Variants in IMMP2L observed in about 807,000 individuals in gnomAD.
The protein encoded by IMMP2L is inner mitochondrial membrane peptidase subunit 2.
Under a neutral mutation model 19.3 loss-of-function variants are expected in IMMP2L, and 18 were observed. That is an observed-to-expected ratio of 0.93 (90% CI 0.64 to 1.38). The LOEUF is 1.38. Among genes scored for constraint, IMMP2L ranks in the 40% most tolerant of loss-of-function variants. The pLI is 0.00. For missense variants in IMMP2L, 233 were observed against 218.2 expected (o/e 1.07, Z -0.43); for synonymous variants, 76 against 73.0 (o/e 1.04, Z -0.21).
chr7:111,300,713 T>C (rs1451397797), intron 3 of IMMP2L, among the ~76,000 whole-genome samples: 1 of 152,158 alleles, frequency 6.6e-6, no homozygotes, highest in African/African-American at 2.4e-5. Context: ...TTGTGACCTA[T>C]GTGCATTAGT....
chr7:111,272,789 C>T (rs1251137445), intron 3 of IMMP2L, among the ~76,000 whole-genome samples: 1 of 152,080 alleles, frequency 6.6e-6, no homozygotes, highest in East Asian at 1.9e-4. Flanking sequence ...GACTCTAGGA[C>T]CAAAATTGGC....
At chr7:110,721,914 G>T (rs1186881151) in intron 5 of IMMP2L, among the ~76,000 whole-genome samples, 1 of 152,050 alleles carries the variant, frequency 6.6e-6, no homozygotes, top group Non-Finnish European at 1.5e-5. Context: ...GAACAAAGTT[G>T]TAAACAATCA....
intron 4 of IMMP2L, 98 bp from the exon 5 acceptor site, chr7:110,886,793 T>C: frequency 1.7e-6 from 1 of 573,600 alleles, no homozygotes; most frequent in Non-Finnish European, 3.2e-6. Context: ...ATATAGATGT[T>C]ACAGACAGGT....
intron 3 of IMMP2L, among the ~76,000 whole-genome samples, chr7:111,239,018 G>GA: frequency 6.6e-6 from 1 of 152,028 alleles, no homozygotes; most frequent in South Asian, 2.1e-4. Flanking sequence ...CACCAATAGT[G>GA]AAAACCATTC....
intron 5 of IMMP2L, among the ~76,000 whole-genome samples, chr7:110,679,347 C>A (rs1792535209): frequency 6.6e-6 from 1 of 152,142 alleles, no homozygotes; most frequent in South Asian, 2.1e-4. Context: ...GTTAACAGCT[C>A]ACACTATTCA....
chr7:111,300,251 G>C (rs1822077028), intron 3 of IMMP2L, among the ~76,000 whole-genome samples: 2 of 152,140 alleles, frequency 1.3e-5, no homozygotes, highest in African/African-American at 4.8e-5. Flanking sequence ...AATTCTGTTT[G>C]CATAGCAGAC....
In IMMP2L at chr7:110,733,954, GAATTA is replaced by G. The variant is rs555329272; in HGVS notation, c.409-70238_409-70234del. On this transcript the variant is annotated intron_variant, in intron 5 of 5. Coordinates refer to ENST00000405709, the MANE Select transcript of IMMP2L (RefSeq NM_032549.4). ...AACTTCCCAGCCTCCTGAACAGTGA[GAATTA>G]AATTTCTACTATGTAGAAATTACCC... is the stretch of plus-strand genomic sequence containing the variant. Among the ~76,000 whole-genome samples the G allele has an allele frequency of 3.6e-3, 551 of 152,130 alleles. 4 individuals are homozygous for G. The highest frequency in any genetic ancestry group is 8.4e-3 in the Admixed American group (128 of 15,282).
chr7:111,557,051 C>A (rs1379546793), intron 1 of IMMP2L, among the ~76,000 whole-genome samples: 1 of 152,160 alleles, frequency 6.6e-6, no homozygotes, highest in Non-Finnish European at 1.5e-5. Context: ...TCTCCCATAT[C>A]TTTTACATTC....
At chr7:111,115,001 C>A (rs934568822) in intron 3 of IMMP2L, among the ~76,000 whole-genome samples, 1 of 151,970 alleles carries the variant, frequency 6.6e-6, no homozygotes, top group Non-Finnish European at 1.5e-5. Flanking sequence ...TAACCTGAAG[C>A]AAATTTTCCA....
At chr7:110,889,168 T>C (rs799636) in intron 4 of IMMP2L, among the ~76,000 whole-genome samples, 15 of 152,322 alleles carry the variant, frequency 9.8e-5, no homozygotes, top group Non-Finnish European at 1.6e-4. Context: ...ACTGATTTAA[T>C]GGAAGACAAT....
At chr7:111,114,750 A>AG (rs1799666588) in intron 3 of IMMP2L, among the ~76,000 whole-genome samples, 2 of 151,790 alleles carry the variant, frequency 1.3e-5, no homozygotes, top group African/African-American at 4.8e-5. Flanking sequence ...AAAAAAAAAA[A>AG]AAAGAAAGAA....
intron 5 of IMMP2L, among the ~76,000 whole-genome samples, chr7:110,837,859 T>C (rs1804661083): frequency 6.6e-6 from 1 of 152,128 alleles, no homozygotes; most frequent in African/African-American, 2.4e-5. Context: ...GACATGAAAA[T>C]GCCCAGAAGG....
intron 1 of IMMP2L, among the ~76,000 whole-genome samples, chr7:111,547,602 C>A (rs553873396): frequency 2.7e-4 from 40 of 150,132 alleles, no homozygotes; most frequent in South Asian, 6.5e-4. Flanking sequence ...GTCACCCAGG[C>A]TGGAGTACAG....
chr7:110,860,774 A>T (rs1486320682), intron 5 of IMMP2L, among the ~76,000 whole-genome samples: 1 of 152,106 alleles, frequency 6.6e-6, no homozygotes, highest in African/African-American at 2.4e-5. Flanking sequence ...ATCCACCTAC[A>T]TTTTTTGTGT....
Position 110,668,506 on chromosome 7 carries a change from T to G in IMMP2L, c.409-4785A>C, listed in dbSNP as rs144892535. Among the ~76,000 whole-genome samples, 550 of 152,328 alleles carry G rather than the reference T, an allele frequency of 3.6e-3. 1 individual carries two copies. Among genetic ancestry groups the G allele is most frequent in the African/African-American group, 0.012 (516 of 41,574 alleles). Reference sequence around the variant, plus strand: ...TTGTTTCATAAGGGTGATTTGCCAGTCTTCTAACTTGGCTGAACTCTTGCC... The same window carrying G: ...TTGTTTCATAAGGGTGATTTGCCAGGCTTCTAACTTGGCTGAACTCTTGCC... On this transcript the variant is annotated intron_variant, in intron 5 of 5. Coordinates refer to ENST00000405709, the MANE Select transcript of IMMP2L (RefSeq NM_032549.4).
intron 5 of IMMP2L, among the ~76,000 whole-genome samples, chr7:110,818,704 C>T (rs1802759103): frequency 6.6e-6 from 1 of 151,916 alleles, no homozygotes; most frequent in African/African-American, 2.4e-5. Context: ...AGACTTGGAA[C>T]CAACCCAAAT....
At chr7:111,016,230 T>A (rs1033739671) in intron 3 of IMMP2L, among the ~76,000 whole-genome samples, 1 of 151,130 alleles carries the variant, frequency 6.6e-6, no homozygotes, top group Non-Finnish European at 1.5e-5. Context: ...GTGTTTCATC[T>A]AGGTTAAACT....
At chr7:111,306,333 A>C (rs1343588643) in intron 3 of IMMP2L, among the ~76,000 whole-genome samples, 2 of 152,114 alleles carry the variant, frequency 1.3e-5, no homozygotes, top group African/African-American at 4.8e-5. Context: ...GTCAATGTCA[A>C]TTCAACTGTA....
chr7:111,360,289 T>C (rs17158524), intron 3 of IMMP2L, among the ~76,000 whole-genome samples: 4,028 of 152,212 alleles, frequency 0.026, 181 homozygotes, highest in African/African-American at 0.092. Context: ...ACACTTTTGA[T>C]AATATTTTAA....
Sources: allele counts gnomAD v4.1 joint callset (sites outside exome capture counted in the v4.1 genomes callset), GRCh38; gene constraint gnomAD v4.1.1; transcripts MANE v1.5; gene names NCBI Gene and HGNC (gene_info 2026-07-23, HGNC 2026-07-21).